TMEM217: variants seen among roughly 807,000 people sequenced by gnomAD.
TMEM217 encodes transmembrane protein 217.
For synonymous variants in TMEM217, 76 were observed against 88.3 expected (o/e 0.86, Z 0.78); for missense variants, 204 against 248.8 (o/e 0.82, Z 1.21).
downstream of TMEM217, among the ~76,000 whole-genome samples, chr6:37,214,966 A>C (rs1489638631): frequency 6.6e-6 from 1 of 152,108 alleles, no homozygotes; most frequent in African/African-American, 2.4e-5. Flanking sequence ...TACTCACCTG[A>C]ATTGTCTAAA....
downstream of TMEM217, chr6:37,215,163 G>A (rs753735646): frequency 3.1e-6 from 5 of 1,605,326 alleles, no homozygotes; most frequent in South Asian, 3.4e-5. Context: ...CGCTAGCCAA[G>A]GTCCTCTGGT....
At chr6:37,232,793 T>G (rs537486228) in intron 1 of TMEM217, among the ~76,000 whole-genome samples, 1 of 152,318 alleles carries the variant, frequency 6.6e-6, no homozygotes, top group Non-Finnish European at 1.5e-5. Context: ...AGTTGACCAC[T>G]CCTTATCTCT....
chr6:37,222,270 C>T (rs1757014), intron 1 of TMEM217, among the ~76,000 whole-genome samples: 9,264 of 152,252 alleles, frequency 0.061, 344 homozygotes, highest in Non-Finnish European at 0.086. Flanking sequence ...TTACTGAGGA[C>T]CCGCCCCCTT....
intron 1 of TMEM217, among the ~76,000 whole-genome samples, chr6:37,238,387 T>A (rs920069513): frequency 1.5e-4 from 23 of 152,338 alleles, no homozygotes; most frequent in Middle Eastern, 3.4e-3. Context: ...AGCTGTGTTG[T>A]AGCAGACACC....
chr6:37,257,902 T>G (rs1765861365), exon 1 of TMEM217: 1 of 1,612,788 alleles, frequency 6.2e-7, no homozygotes, highest in East Asian at 2.2e-5. Flanking sequence ...TACAAGGACT[T>G]CCCCCGGCCA....
chr6:37,255,949 C>G (rs902320076), intron 1 of TMEM217, among the ~76,000 whole-genome samples: 3 of 152,148 alleles, frequency 2.0e-5, no homozygotes, highest in African/African-American at 7.2e-5. Context: ...AATAACAGGG[C>G]TTTTCTGGGT....
intron 1 of TMEM217, among the ~76,000 whole-genome samples, chr6:37,221,225 C>T (rs537835194): frequency 4.7e-5 from 7 of 149,380 alleles, no homozygotes; most frequent in Non-Finnish European, 7.4e-5. Flanking sequence ...CTCGCTCTGT[C>T]GCCCAGGCTG....
chr6:37,213,110 C>T, downstream of TMEM217: 3 of 735,188 alleles, frequency 4.1e-6, no homozygotes, highest in African/African-American at 3.5e-5. Context: ...GGTGTGTGGA[C>T]AGGCAATAGG....
At chr6:37,238,437 T>A (rs542153015) in intron 1 of TMEM217, among the ~76,000 whole-genome samples, 80 of 152,222 alleles carry the variant, frequency 5.3e-4, no homozygotes, top group Non-Finnish European at 9.1e-4. Context: ...CCTTCTTTGC[T>A]ACCAGAAGTC....
chr6:37,238,190 A>G, intron 1 of TMEM217, among the ~76,000 whole-genome samples: 1 of 151,252 alleles, frequency 6.6e-6, no homozygotes. Context: ...CAAGGATAGT[A>G]ACATTTACCT....
chr6:37,239,477 AAAAT>A (rs10550751), intron 1 of TMEM217, among the ~76,000 whole-genome samples: 134,866 of 149,946 alleles, frequency 0.9, 60,742 homozygotes, highest in African/African-American at 0.95. Context: ...TCTGTCTTAA[AAAAT>A]AAATAAATAA....
intron 1 of TMEM217, among the ~76,000 whole-genome samples, chr6:37,226,826 A>C (rs1763871941): frequency 6.6e-6 from 1 of 152,102 alleles, no homozygotes; most frequent in Non-Finnish European, 1.5e-5. Flanking sequence ...TTGGCCTCCC[A>C]AAGTGCTGGG....
At chr6:37,221,958 T>G (rs1763546117) in intron 1 of TMEM217, among the ~76,000 whole-genome samples, 1 of 152,132 alleles carries the variant, frequency 6.6e-6, no homozygotes, top group Non-Finnish European at 1.5e-5. Context: ...TCTCTGAGGC[T>G]CTCAGAAGAG....
intron 1 of TMEM217, 26 bp from the exon 2 acceptor site, chr6:37,219,067 G>A (rs751044496): frequency 4.2e-5 from 66 of 1,577,684 alleles, no homozygotes; most frequent in Non-Finnish European, 5.5e-5. Context: ...ACATGAGGGA[G>A]AATTCTAGTT....
intron 1 of TMEM217, among the ~76,000 whole-genome samples, chr6:37,245,470 G>A (rs936118017): frequency 2.0e-5 from 3 of 152,208 alleles, no homozygotes; most frequent in African/African-American, 4.8e-5. Flanking sequence ...AGTCTAGAGT[G>A]GGTGCATTTT....
chr6:37,228,966 C>T (rs1410742800), intron 1 of TMEM217, among the ~76,000 whole-genome samples: 1 of 151,446 alleles, frequency 6.6e-6, no homozygotes, highest in Non-Finnish European at 1.5e-5. Flanking sequence ...CACTGCACTC[C>T]AGCCTGGGTG....
At chr6:37,244,303 T>C (rs1764944595) in intron 1 of TMEM217, among the ~76,000 whole-genome samples, 1 of 152,282 alleles carries the variant, frequency 6.6e-6, no homozygotes, top group South Asian at 2.1e-4. Flanking sequence ...TTTCTCTTAC[T>C]GTCGTAGTTT....
chr6:37,257,863 C>T lies in TMEM217; in HGVS notation c.-307G>A. ...GCCCTCAGATTGCGGGGTCTGGGGGCATCTCGCCGGGCAAACCCTTGGCCC... is the reference window on the plus strand; with the variant it reads ...GCCCTCAGATTGCGGGGTCTGGGGGTATCTCGCCGGGCAAACCCTTGGCCC... On this transcript the variant is annotated 5_prime_UTR_variant, in exon 1 of 2. It removes an upstream start codon present in the reference 5' UTR. Coordinates refer to ENST00000357219, the Ensembl canonical transcript of TMEM217. The T allele has an allele frequency of 1.3e-6, 2 of 1,587,220 alleles. No individual in the cohort carries two copies. The highest frequency in any genetic ancestry group is 2.3e-5 in the South Asian group (2 of 87,930).
At chr6:37,224,584 C>A (rs1013789015) in intron 1 of TMEM217, among the ~76,000 whole-genome samples, 1 of 149,694 alleles carries the variant, frequency 6.7e-6, no homozygotes, top group Non-Finnish European at 1.5e-5. Context: ...GGTGACAGAG[C>A]GAGACTCCTC....
Sources: gnomAD v4.1 joint callset for allele counts (sites outside exome capture counted in the v4.1 genomes callset) on GRCh38, gnomAD v4.1.1 for gene constraint, MANE v1.5 for transcripts, NCBI Gene and HGNC (gene_info 2026-07-23, HGNC 2026-07-21) for gene names.